BPIFC: variants seen among roughly 807,000 people sequenced by gnomAD.
BPIFC encodes the protein BPI fold containing family C, also known as BPI fold-containing family C protein.
Under a neutral mutation model 57.6 loss-of-function variants are expected in BPIFC, and 60 were observed. The observed-to-expected ratio is 1.04, with a 90% confidence interval of 0.85 to 1.29. The LOEUF (loss-of-function observed/expected upper bound fraction) is 1.29. Among genes scored for constraint, BPIFC ranks in the 50% most tolerant of loss-of-function variants. The probability of loss-of-function intolerance (pLI) is 0.00; values close to 1 mark genes in which losing one functional copy is unlikely to be tolerated. For synonymous variants in BPIFC, 243 were observed against 224.5 expected (o/e 1.08, Z -0.74); for missense variants, 581 against 600.5 (o/e 0.97, Z 0.34).
intron 2 of BPIFC, 107 bp downstream of exon 2, chr22:32,461,467 G>A: frequency 7.8e-6 from 4 of 515,226 alleles, no homozygotes; most frequent in Non-Finnish European, 1.0e-5. Context: ...GTGATCTGAA[G>A]GTTGGAGGAA....
Position 32,417,156 on chromosome 22 carries a change from A to G in BPIFC, c.1261-8T>C, listed in dbSNP as rs1933703238. On this transcript the variant is annotated splice_region_variant and splice_polypyrimidine_tract_variant and intron_variant, in intron 14 of 16. Transcript: ENST00000300399. ...ATTTTCAAACCTCAAGACCTAAAAT[A>G]AAAGAGGAAATAGAATCAATTGGCA... 6.3e-7 allele frequency: 1 copy of G among 1,594,562 alleles called. No individual in the cohort carries two copies. The highest frequency in any genetic ancestry group is 1.3e-5 in the African/African-American group (1 of 74,330).
Position 32,414,364 on chromosome 22 carries a change from A to G in BPIFC, c.1463T>C (p.Phe488Ser). 1 of 1,614,106 alleles carries G rather than the reference A, an allele frequency of 6.2e-7. No individual in the cohort carries two copies. Among genetic ancestry groups the G allele is most frequent in the Non-Finnish European group, 8.5e-7 (1 of 1,179,964 alleles). ...YETSSKQQPS[F>S]HVWEGLNLIS... Reference sequence around the variant, plus strand: ...CAGGTTCAGACCTTCCCATACGTGGAAACTTGGCTGCTGCTTTGAGGATGT... The same window carrying G: ...CAGGTTCAGACCTTCCCATACGTGGGAACTTGGCTGCTGCTTTGAGGATGT... Residue 488 changes from phenylalanine (F) to serine (S), a missense_variant, in exon 17 of 17, where the codon TTC becomes TCC. Phe to Ser is a radical substitution (Grantham distance 155). Coordinates refer to ENST00000300399, the MANE Select transcript of BPIFC (RefSeq NM_174932.3).
chr22:32,439,407 A>T (rs953422003), intron 8 of BPIFC, among the ~76,000 whole-genome samples: 1 of 151,862 alleles, frequency 6.6e-6, no homozygotes, highest in African/African-American at 2.4e-5. Context: ...CAGGTTTCCC[A>T]CTCGGCTTTG....
intron 9 of BPIFC, 126 bp from the exon 10 acceptor site, chr22:32,436,006 A>C: frequency 9.4e-7 from 1 of 1,066,144 alleles, no homozygotes; most frequent in Non-Finnish European, 1.3e-6. Context: ...GTGGTGGCTC[A>C]CGCCTATAAT....
rs1001049207 is a variant in BPIFC, at chr22:32,414,377, G to A, written c.1450C>T (p.Gln484Ter). The A allele has an allele frequency of 2.5e-6, 4 of 1,614,056 alleles. No homozygotes were observed. The Admixed American group carries it at 5.0e-5, about 20-fold the overall frequency. The change falls in exon 17 of 17, where the codon CAG (glutamine) becomes TAG (stop). Residue 484 changes from glutamine (Q) to a stop codon, truncating the protein, a stop_gained. Coordinates refer to ENST00000300399, the MANE Select transcript of BPIFC (RefSeq NM_174932.3). LOFTEE classifies it low-confidence loss of function (END_TRUNC). ...TDLKYETSSK[Q>*]QPSFHVWEGL... Reference sequence around the variant, plus strand: ...TCCCATACGTGGAAACTTGGCTGCTGCTTTGAGGATGTTTCATACTTCAGG... The same window carrying A: ...TCCCATACGTGGAAACTTGGCTGCTACTTTGAGGATGTTTCATACTTCAGG...
At chr22:32,439,809 T>G (rs1178089903) in intron 8 of BPIFC, among the ~76,000 whole-genome samples, 2 of 152,104 alleles carry the variant, frequency 1.3e-5, no homozygotes, top group African/African-American at 4.8e-5. Context: ...GAGACAGCAT[T>G]TCACCCTGTT....
At chr22:32,416,448 T>G (rs1386865340) in intron 15 of BPIFC, among the ~76,000 whole-genome samples, 2 of 152,218 alleles carry the variant, frequency 1.3e-5, no homozygotes, top group African/African-American at 4.8e-5. Flanking sequence ...CTCTCTGATA[T>G]GTCCCTAGAA....
intron 3 of BPIFC, among the ~76,000 whole-genome samples, chr22:32,455,725 C>T (rs5754097): frequency 0.11 from 17,364 of 152,200 alleles, 1,458 homozygotes; most frequent in South Asian, 0.36. Flanking sequence ...GAGTCCCTTA[C>T]TGCTGTGAGA....
At chr22:32,437,912 G>T (rs1934455187) in intron 8 of BPIFC, 61 bp from the exon 9 acceptor site, 3 of 934,016 alleles carry the variant, frequency 3.2e-6, no homozygotes, top group Admixed American at 4.0e-5. Flanking sequence ...TATAATATAT[G>T]AATGATGTCT....
At chr22:32,448,881 G>C (rs1934808674) in intron 4 of BPIFC, among the ~76,000 whole-genome samples, 1 of 151,762 alleles carries the variant, frequency 6.6e-6, no homozygotes, top group Admixed American at 6.6e-5. Flanking sequence ...AGGCTGCAGT[G>C]AGCCGAGATC....
intron 13 of BPIFC, 130 bp from the exon 14 acceptor site, chr22:32,419,534 T>C: frequency 1.1e-6 from 1 of 908,138 alleles, no homozygotes; most frequent in Non-Finnish European, 1.7e-6. Flanking sequence ...CTGGGCATGG[T>C]GGCCCACGCC....
At position 32,435,817 on chromosome 22, in the gene BPIFC, G is replaced by A; in HGVS notation, c.811C>T (p.Pro271Ser). Residue 271 changes from proline (P) to serine (S), a missense_variant, in exon 10 of 17, where the codon CCA becomes TCA. Coordinates refer to ENST00000300399, the MANE Select transcript of BPIFC (RefSeq NM_174932.3). ...TAGAGCATGGAGTTGCTGCGTTCTG[G>A]GAGCACAAAAGGAACTGGTGAGAAG... Reference protein sequence around the residue: ...PPFSPVPFVLPERSNSMLYIG... With the variant: ...PPFSPVPFVLSERSNSMLYIG... The A allele has an allele frequency of 2.5e-6, 4 of 1,614,146 alleles. No homozygotes were observed. Among genetic ancestry groups the A allele is most frequent in the Non-Finnish European group, 3.4e-6 (4 of 1,180,020 alleles).
chr22:32,424,653 CTTCT>C (rs1569447968), intron 13 of BPIFC, among the ~76,000 whole-genome samples: 24 of 61,544 alleles, frequency 3.9e-4, no homozygotes, highest in South Asian at 6.2e-4. Context: ...TCTTCTTCTT[CTTCT>C]TCTTCTTCTT....
At chr22:32,424,767 C>G (rs1415211613) in intron 13 of BPIFC, among the ~76,000 whole-genome samples, 1 of 124,134 alleles carries the variant, frequency 8.1e-6, no homozygotes, top group Non-Finnish European at 1.6e-5. Flanking sequence ...TCTTCTTCTT[C>G]TTCTTCTTCT....
chr22:32,417,246 G>T, intron 14 of BPIFC, 98 bp from the exon 15 acceptor site: 1 of 840,034 alleles, frequency 1.2e-6, no homozygotes, highest in Non-Finnish European at 1.9e-6. Context: ...TGTGATCATG[G>T]CTCTCTCCAG....
chr22:32,417,010 A>G (rs1933697795), intron 15 of BPIFC, 75 bp downstream of exon 15: 1 of 1,236,986 alleles, frequency 8.1e-7, no homozygotes, highest in African/African-American at 1.5e-5. Flanking sequence ...GTCCCAAACA[A>G]TCCCCAGTGC....
chr22:32,432,890 G>A (rs146598978), intron 11 of BPIFC, among the ~76,000 whole-genome samples: 112 of 152,290 alleles, frequency 7.4e-4, no homozygotes, highest in Admixed American at 1.4e-3. Context: ...AGGGGAATAA[G>A]TGGTAGAATT....
chr22:32,450,063 T>C (rs926196063), intron 4 of BPIFC, among the ~76,000 whole-genome samples: 1 of 150,988 alleles, frequency 6.6e-6, no homozygotes, highest in Non-Finnish European at 1.5e-5. Context: ...AGGAGGATGC[T>C]GAGCAGTGGA....
intron 13 of BPIFC, among the ~76,000 whole-genome samples, chr22:32,423,579 T>TGTGG (rs1447509735): frequency 1.6e-5 from 2 of 124,132 alleles, no homozygotes; most frequent in African/African-American, 6.9e-5. Context: ...AGGGTGTGGG[T>TGTGG]GTGTGTGTGT....
Sources: gnomAD v4.1 joint callset for allele counts (sites outside exome capture counted in the v4.1 genomes callset) on GRCh38, gnomAD v4.1.1 for gene constraint, MANE v1.5 for transcripts, NCBI Gene and HGNC (gene_info 2026-07-23, HGNC 2026-07-21) for gene names.